MAPK14: variants seen among roughly 807,000 people sequenced by gnomAD.
MAPK14 encodes the protein mitogen-activated protein kinase 14.
Under a neutral mutation model 49.6 loss-of-function variants are expected in MAPK14, and 16 were observed. That is an observed-to-expected ratio of 0.32 (90% CI 0.22 to 0.49). MAPK14 has a LOEUF of 0.49. Among genes scored for constraint, MAPK14 ranks in the 20% least tolerant of loss-of-function variants. The pLI is 0.99. For missense variants in MAPK14, 200 were observed against 441.2 expected (o/e 0.45, Z 4.90); for synonymous variants, 142 against 158.0 (o/e 0.90, Z 0.76).
At chr6:36,039,533 C>A (rs1449860994) in intron 1 of MAPK14, among the ~76,000 whole-genome samples, 2 of 152,052 alleles carry the variant, frequency 1.3e-5, no homozygotes, top group African/African-American at 4.8e-5. Context: ...GTATTGATTG[C>A]ATTTTCAAAC....
chr6:36,073,805 A>C, intron 5 of MAPK14, 85 bp downstream of exon 5: 1 of 1,361,110 alleles, frequency 7.3e-7, no homozygotes, highest in Non-Finnish European at 1.0e-6. Context: ...CCTAATCTAA[A>C]CTTTAGCCAT....
At chr6:36,097,975 A>G (rs1265709968) in intron 9 of MAPK14, 2 of 151,858 alleles carry the variant, frequency 1.3e-5, no homozygotes, top group Non-Finnish European at 2.9e-5. Context: ...TAAACATCCT[A>G]AGGGGTAGAC....
At position 36,107,655 on chromosome 6, in the gene MAPK14, C is replaced by G. The variant is rs200442668; in HGVS notation, c.1015+27C>G. On this transcript the variant is annotated intron_variant, in intron 11 of 11. Transcript: ENST00000229794. The surrounding 1 kb of genome is among the most constrained non-coding windows in gnomAD (Gnocchi z 4.3). ...TAAGTCCTAAGGGTAGGATTAACAT[C>G]TTGAACCACTAACCAAAAGCGGTGG... 1.1e-5 allele frequency: 17 copies of G among 1,489,032 alleles called. No individual in the cohort carries two copies. Among genetic ancestry groups the G allele is most frequent in the Middle Eastern group, 1.8e-4 (1 of 5,626 alleles). The allele number at this position is 1,489,032 out of a possible 1,614,324, so 92.2% of individuals were successfully genotyped here. A position where few individuals can be genotyped will look rare whatever the true frequency, so the allele number is the denominator to read the frequency against.
intron 8 of MAPK14, among the ~76,000 whole-genome samples, chr6:36,090,428 A>G (rs1188832307): frequency 2.6e-5 from 4 of 151,814 alleles, no homozygotes; most frequent in Non-Finnish European, 4.4e-5. Context: ...AGGCTGGTCT[A>G]GAACTCCAGA....
intron 8 of MAPK14, among the ~76,000 whole-genome samples, chr6:36,090,310 A>AAT (rs1353690404): frequency 1.3e-5 from 2 of 151,750 alleles, no homozygotes; most frequent in Non-Finnish European, 2.9e-5. Flanking sequence ...ACTTTCAGTC[A>AAT]TTGGTTTCAA....
intron 2 of MAPK14, among the ~76,000 whole-genome samples, chr6:36,053,744 ACTT>A (rs1763487657): frequency 1.3e-5 from 2 of 152,198 alleles, no homozygotes; most frequent in Admixed American, 1.3e-4. Flanking sequence ...TAGTAATTTA[ACTT>A]CTTCATAGCG....
At chr6:36,040,328 C>CA (rs1156694308) in intron 1 of MAPK14, among the ~76,000 whole-genome samples, 2 of 152,042 alleles carry the variant, frequency 1.3e-5, no homozygotes, top group African/African-American at 4.8e-5. Context: ...GTAGGGAGGG[C>CA]AAAATCACCT....
chr6:36,092,646 C>A, intron 8 of MAPK14: 1 of 384,896 alleles, frequency 2.6e-6, no homozygotes, highest in South Asian at 2.1e-5. Context: ...TCTTGGCTCT[C>A]CCTTTTCAAA....
At chr6:36,039,302 A>G (rs1762865812) in intron 1 of MAPK14, among the ~76,000 whole-genome samples, 2 of 152,224 alleles carry the variant, frequency 1.3e-5, no homozygotes, top group Admixed American at 6.5e-5. Context: ...ACAAAAAGGT[A>G]ATAGAACAAA....
At chr6:36,041,436 C>A (rs560618717) in intron 1 of MAPK14, among the ~76,000 whole-genome samples, 41 of 152,220 alleles carry the variant, frequency 2.7e-4, no homozygotes, top group African/African-American at 9.6e-4. Flanking sequence ...CATATACTAT[C>A]CTTCCAAATT....
At chr6:36,041,084 AT>A (rs1434810464) in intron 1 of MAPK14, among the ~76,000 whole-genome samples, 1 of 152,190 alleles carries the variant, frequency 6.6e-6, no homozygotes, top group Non-Finnish European at 1.5e-5. Context: ...ATTTAGGCAC[AT>A]TATGTATTCT....
At chr6:36,096,141 C>A (rs1185928423) in intron 9 of MAPK14, 75 bp downstream of exon 9, 1 of 1,038,842 alleles carries the variant, frequency 9.6e-7, no homozygotes, top group Admixed American at 1.9e-5. Flanking sequence ...TGTACTTTGA[C>A]CTGGGTGTGT....
At chr6:36,050,028 GA>G (rs1763333815) in intron 1 of MAPK14, among the ~76,000 whole-genome samples, 1 of 152,162 alleles carries the variant, frequency 6.6e-6, no homozygotes. Flanking sequence ...GATCATTTTC[GA>G]GTAGGAAAAT....
intron 3 of MAPK14, among the ~76,000 whole-genome samples, chr6:36,062,722 A>G (rs1261320619): frequency 7.0e-6 from 1 of 143,152 alleles, no homozygotes; most frequent in Non-Finnish European, 1.5e-5. Flanking sequence ...CAGTGGCACG[A>G]TCTTAGCTCA....
At chr6:36,091,844 C>CTTTTTTTTTTTTTTTTTTTTTTTT (rs1185804651) in intron 8 of MAPK14, 1 of 124,840 alleles carries the variant, frequency 8.0e-6, no homozygotes. Context: ...CTTTTCTTTT[C>CTTTTTTTTTTTTTTTTTTTTTTTT]TTTTTTTTTT....
chr6:36,076,057 T>A, intron 7 of MAPK14, 95 bp downstream of exon 7: 15 of 1,278,456 alleles, frequency 1.2e-5, no homozygotes, highest in East Asian at 2.5e-5. Context: ...TGGGAAGAAA[T>A]GTCTTTTCTT....
chr6:36,046,498 T>C (rs771743468), intron 1 of MAPK14, among the ~76,000 whole-genome samples: 34 of 152,344 alleles, frequency 2.2e-4, no homozygotes, highest in Middle Eastern at 3.4e-3. Context: ...TTACATTTAA[T>C]CCTAACATAT....
intron 2 of MAPK14, among the ~76,000 whole-genome samples, chr6:36,058,142 A>C (rs1027996174): frequency 6.6e-6 from 1 of 151,870 alleles, no homozygotes; most frequent in African/African-American, 2.4e-5. Context: ...TTTTTTTTTC[A>C]TTTTTAAATT....
chr6:36,061,512 A>T (rs1763820288), intron 3 of MAPK14, among the ~76,000 whole-genome samples: 1 of 152,218 alleles, frequency 6.6e-6, no homozygotes, highest in Non-Finnish European at 1.5e-5. Context: ...ATGGCTGTTG[A>T]GCAGGAATCC....
Sources: gnomAD v4.1 joint callset for allele counts (sites outside exome capture counted in the v4.1 genomes callset) on GRCh38, gnomAD v4.1.1 for gene constraint, Gnocchi (gnomAD v3.1) non-coding constraint, MANE v1.5 for transcripts, NCBI Gene and HGNC (gene_info 2026-07-23, HGNC 2026-07-21) for gene names.